The following ZNF383 variants were observed in gnomAD, a reference collection of about 807,000 sequenced individuals.
ZNF383 encodes the protein zinc finger protein 383.
In ZNF383, 32 loss-of-function variants were observed where a neutral mutation model predicts 44.2. The ratio of observed to expected loss-of-function variants is 0.72; its 90% CI spans 0.55 to 0.97. The LOEUF is 0.97. Among genes scored for constraint, ZNF383 ranks in the 50% least tolerant of loss-of-function variants. The probability of loss-of-function intolerance (pLI) is 0.00; values close to 1 mark genes in which losing one functional copy is unlikely to be tolerated. For missense variants in ZNF383, 487 were observed against 562.5 expected, an observed-to-expected ratio of 0.87 and a Z score of 1.36; for synonymous variants, 155 against 186.2, an observed-to-expected ratio of 0.83 and a Z score of 1.36.
chr19:37,225,129 C>T (rs1231386546), intron 2 of ZNF383, 190 bp downstream of exon 2: 1 of 150,166 alleles, frequency 6.7e-6, no homozygotes, highest in Non-Finnish European at 1.5e-5. Flanking sequence ...GAGTTTTGAT[C>T]TTGTTGCCCA....
chr19:37,247,736 C>G lies in ZNF383; in HGVS notation c.*4072C>G, dbSNP rs1339092383. ...TATTATAGACATTTTTATAATATAT[C>G]TGAAAATCTGGAAAAAGTCTGTGAT... On this transcript the variant is annotated 3_prime_UTR_variant, in exon 6 of 6. Transcript: ENST00000684119. 1 of 151,872 alleles carries G rather than the reference C, an allele frequency of 6.6e-6. No homozygotes were observed. Among genetic ancestry groups the G allele is most frequent in the Non-Finnish European group, 1.5e-5 (1 of 67,980 alleles). 9.4% of individuals were successfully genotyped at this position (151,872 alleles called of 1,614,324 possible).
Position 37,235,702 on chromosome 19 carries a change from C to G in ZNF383, c.136+27C>G. ...TAAGGGCATCTGTACCAGTGATTCC[C>G]AGTTCTCCTCTGGAATGTCTCCTTC... On this transcript the variant is annotated intron_variant, in intron 4 of 5. Transcript: ENST00000684119. The G allele has an allele frequency of 3.8e-6, 6 of 1,561,058 alleles. No homozygotes were observed. In the South Asian group the frequency reaches 6.1e-5, roughly 16 times the overall value.
intron 2 of ZNF383, among the ~76,000 whole-genome samples, chr19:37,229,802 A>ATTT (rs66525453): frequency 1.6e-5 from 2 of 125,354 alleles, no homozygotes; most frequent in African/African-American, 6.3e-5. Context: ...ATATATATAT[A>ATTT]TTTTTTTTTT....
rs1184361694 is a variant in ZNF383, at chr19:37,243,486, C to G, written c.1250C>G (p.Thr417Arg). ...CTTTTCCAGCATCAGAGAATTCATA[C>G]AGATGAAAAACCATATGAATGTAAT... is the stretch of plus-strand genomic sequence containing the variant. ...SQLFQHQRIH[T>R]DEKPYECNEC... The change falls in exon 6 of 6, where the codon ACA becomes AGA. Residue 417 changes from threonine (T) to arginine (R), a missense_variant. Transcript: ENST00000684119. The G allele has an allele frequency of 6.2e-7, 1 of 1,613,998 alleles. No individual in the cohort carries two copies. Among genetic ancestry groups the G allele is most frequent in the Non-Finnish European group, 8.5e-7 (1 of 1,179,934 alleles).
chr19:37,239,027 C>T lies in ZNF383; in HGVS notation c.232+2953C>T, dbSNP rs138002127. 1.1e-3 allele frequency among the ~76,000 whole-genome samples: 161 copies of T among 152,296 alleles called. 2 individuals carry two copies. The highest frequency in any genetic ancestry group is 3.4e-3 in the Middle Eastern group (1 of 294). ...CTCCACCCCGCAGGTTCAAGCGATT[C>T]TACTGCCTCAGCCTTCTGAGTAGCT... On this transcript the variant is annotated intron_variant, in intron 5 of 5. Coordinates refer to ENST00000684119, the MANE Select transcript of ZNF383 (RefSeq NM_001387601.1).
Position 37,243,198 on chromosome 19 carries a change from AG to A in ZNF383, c.963del (p.Ser322AlafsTer120). The A allele has an allele frequency of 6.2e-7, 1 of 1,614,164 alleles. No individual in the cohort carries two copies. Among genetic ancestry groups the A allele is most frequent in the Non-Finnish European group, 8.5e-7 (1 of 1,180,022 alleles). On this transcript the variant is annotated frameshift_variant, in exon 6 of 6. Coordinates refer to ENST00000684119, the MANE Select transcript of ZNF383 (RefSeq NM_001387601.1). LOFTEE classifies it high-confidence loss of function. ...AAGGAATGTGGCAAAGCCTTTACCC[AG>A]AGCTCAAAGCTTGTTCAACATCAGA... is the stretch of plus-strand genomic sequence containing the variant. The part of the protein sequence containing the change: ...ECKECGKAFT[Q>X]SSKLVQHQRI...
chr19:37,218,599 G>C (rs1057499155), intron 1 of ZNF383, among the ~76,000 whole-genome samples: 4 of 152,150 alleles, frequency 2.6e-5, no homozygotes, highest in African/African-American at 9.7e-5. Context: ...TGTTTGTGTG[G>C]AGAGAATCTG....
rs1202021999 is a variant in ZNF383, at chr19:37,246,410, A to G, written c.*2746A>G. On this transcript the variant is annotated 3_prime_UTR_variant, in exon 6 of 6. Coordinates refer to ENST00000684119, the MANE Select transcript of ZNF383 (RefSeq NM_001387601.1). Reference sequence around the variant, plus strand: ...TCATTATTATTCAGTGTGGAATTTTAAAAGGAAGAGAAAAAGTATGTGTGC... The same window carrying G: ...TCATTATTATTCAGTGTGGAATTTTGAAAGGAAGAGAAAAAGTATGTGTGC... The G allele has an allele frequency of 6.6e-6, 1 of 152,158 alleles. No individual in the cohort carries two copies. Among genetic ancestry groups the G allele is most frequent in the East Asian group, 1.9e-4 (1 of 5,196 alleles). The allele number at this position is 152,158 out of a possible 1,614,324, so 9.4% of individuals were successfully genotyped here.
At position 37,242,881 on chromosome 19, in the gene ZNF383, G is replaced by A; in HGVS notation, c.645G>A (p.Arg215=). The A allele has an allele frequency of 6.2e-7, 1 of 1,613,908 alleles. No homozygotes were observed. Among genetic ancestry groups the A allele is most frequent in the Non-Finnish European group, 8.5e-7 (1 of 1,179,924 alleles). ...KFFSCGSHVT[R]HLKIHTGEKP... ...TTAGTTGTGGTTCACATGTTACTCGGCATCTGAAAATTCATACTGGCGAAA... is the reference window on the plus strand; with the variant it reads ...TTAGTTGTGGTTCACATGTTACTCGACATCTGAAAATTCATACTGGCGAAA... The change falls in exon 6 of 6, where the codon CGG becomes CGA. Residue 215 remains arginine (R), a synonymous_variant. Transcript: ENST00000684119.
At chr19:37,235,034 A>G (rs1973711545) in intron 3 of ZNF383, among the ~76,000 whole-genome samples, 2 of 152,164 alleles carry the variant, frequency 1.3e-5, no homozygotes, top group African/African-American at 4.8e-5. Flanking sequence ...GCACTTTGAG[A>G]GGCTGAGGCG....
At position 37,235,971 on chromosome 19, in the gene ZNF383, G is replaced by T. The variant is rs373350635; in HGVS notation, c.137-8G>T. 6.2e-7 allele frequency: 1 copy of T among 1,605,666 alleles called. No homozygotes were observed. Among genetic ancestry groups the T allele is most frequent in the Admixed American group, 1.7e-5 (1 of 58,054 alleles). ...ATAACCATGTTCCATATCTTTTCTC[G>T]TGAGCAGGACTTTACACTCCTAAGC... On this transcript the variant is annotated splice_region_variant and splice_polypyrimidine_tract_variant and intron_variant, in intron 4 of 5. Transcript: ENST00000684119.
intron 1 of ZNF383, among the ~76,000 whole-genome samples, chr19:37,221,503 C>A (rs1332212148): frequency 6.6e-6 from 1 of 152,028 alleles, no homozygotes; most frequent in Non-Finnish European, 1.5e-5. Context: ...ATTGTTTGAA[C>A]CTAGGGAGGT....
chr19:37,233,842 A>G (rs1407536382), intron 3 of ZNF383, among the ~76,000 whole-genome samples: 1 of 151,870 alleles, frequency 6.6e-6, no homozygotes, highest in African/African-American at 2.4e-5. Context: ...TAAAATACAC[A>G]TCTTTTTATT....
intron 1 of ZNF383, among the ~76,000 whole-genome samples, chr19:37,221,887 T>G (rs924618873): frequency 7.6e-6 from 1 of 131,948 alleles, no homozygotes; most frequent in Admixed American, 8.6e-5. Flanking sequence ...ACCCGGGAGG[T>G]GGAGCTTGCA....
In ZNF383 at chr19:37,242,497, A is replaced by C. The variant is rs958605576; in HGVS notation, c.261A>C (p.Leu87Phe). The change falls in exon 6 of 6, where the codon TTA becomes TTC. Residue 87 changes from leucine (L) to phenylalanine (F), a missense_variant. Physicochemically the swap from Leu to Phe is conservative, Grantham distance 22. Transcript: ENST00000684119. ...SDLESMCETK[L>F]LSLKKEVYEI... The stretch of plus-strand genomic sequence containing the variant: ...TGGAATCGATGTGTGAAACCAAGTT[A>C]TTATCTCTAAAGAAGGAAGTTTATG... 5 of 1,603,680 alleles carry C rather than the reference A, an allele frequency of 3.1e-6. No homozygotes were observed. In the African/African-American group the frequency reaches 4.0e-5, roughly 13 times the overall value.
At position 37,244,768 on chromosome 19, in the gene ZNF383, CATACTT is replaced by C. The variant is rs1974294607; in HGVS notation, c.*1108_*1113del. The C allele has an allele frequency of 6.6e-6, 1 of 152,152 alleles. No homozygotes were observed. Among genetic ancestry groups the C allele is most frequent in the Admixed American group, 6.5e-5 (1 of 15,270 alleles). 9.4% of individuals were successfully genotyped at this position (152,152 alleles called of 1,614,324 possible). On this transcript the variant is annotated 3_prime_UTR_variant, in exon 6 of 6. Transcript: ENST00000684119. ...CTAAAAAGCCAAAATTAATTGTAAT[CATACTT>C]ATAGATGGCTGCTCTCAATTTGGTA...
intron 5 of ZNF383, among the ~76,000 whole-genome samples, chr19:37,241,105 C>T (rs1045553389): frequency 1.3e-5 from 2 of 152,212 alleles, no homozygotes; most frequent in Non-Finnish European, 2.9e-5. Context: ...CCATGCCCAG[C>T]CACCACATTC....
intron 2 of ZNF383, among the ~76,000 whole-genome samples, 188 bp from the exon 3 acceptor site, chr19:37,230,221 T>A (rs1172372018): frequency 6.6e-6 from 1 of 152,152 alleles, no homozygotes; most frequent in Non-Finnish European, 1.5e-5. Context: ...TGAGTCCTTG[T>A]CTTGCTGCAG....
rs1974203438 is a variant in ZNF383 at position 37,242,981 on chromosome 19, A to G, written c.745A>G (p.Thr249Ala). ...SYLSQHQRIH[T>A]GKKPYECKEC... ...CCTTTCTCAACATCAGAGAATCCATACCGGTAAGAAACCCTATGAATGTAA... is the reference window on the plus strand; with the variant it reads ...CCTTTCTCAACATCAGAGAATCCATGCCGGTAAGAAACCCTATGAATGTAA... The change falls in exon 6 of 6, where the codon ACC becomes GCC. Residue 249 changes from threonine (T) to alanine (A), a missense_variant. Thr to Ala is a moderately conservative substitution (Grantham distance 58). Transcript: ENST00000684119. The G allele has an allele frequency of 1.2e-5, 19 of 1,613,920 alleles. No homozygotes were observed. The highest frequency in any genetic ancestry group is 2.7e-5 in the African/African-American group (2 of 74,914).
Sources: allele counts gnomAD v4.1 joint callset (sites outside exome capture counted in the v4.1 genomes callset), GRCh38; gene constraint gnomAD v4.1.1; transcripts MANE v1.5; gene names NCBI Gene and HGNC (gene_info 2026-07-23, HGNC 2026-07-21).